AKIRIN2: variants seen among roughly 807,000 people sequenced by gnomAD.
AKIRIN2 encodes akirin 2, also known as akirin-2.
AKIRIN2 carries 6 observed loss-of-function variants against 29.3 expected under a neutral mutation model. The observed-to-expected ratio is 0.20, with a 90% CI of 0.11 to 0.40. The LOEUF is 0.40. Ranked by LOEUF, AKIRIN2 falls within the 10% of genes least tolerant of loss-of-function variation. The pLI, the probability that AKIRIN2 is intolerant of heterozygous loss-of-function variation, is 1.00. For synonymous variants in AKIRIN2, 128 were observed against 117.5 expected, an observed-to-expected ratio of 1.09 and a Z score of -0.58; for missense variants, 210 against 276.1, an observed-to-expected ratio of 0.76 and a Z score of 1.70.
intron 1 of AKIRIN2, among the ~76,000 whole-genome samples, chr6:87,688,794 T>C (rs1360519136): frequency 6.6e-6 from 1 of 151,976 alleles, no homozygotes; most frequent in East Asian, 1.9e-4. Flanking sequence ...AAGGGGAAAT[T>C]GAACTGCCCC....
intron 2 of AKIRIN2, among the ~76,000 whole-genome samples, chr6:87,678,912 G>T (rs1771070780): frequency 6.6e-6 from 1 of 152,120 alleles, no homozygotes; most frequent in South Asian, 2.1e-4. Context: ...GAGGCAGGCG[G>T]ATCACCTGAG....
intron 1 of AKIRIN2, among the ~76,000 whole-genome samples, chr6:87,686,703 AC>A (rs1218569858): frequency 6.6e-6 from 1 of 152,154 alleles, no homozygotes; most frequent in Non-Finnish European, 1.5e-5. Flanking sequence ...TTTGGAAAAC[AC>A]AAAATGAAAG....
At chr6:87,685,353 G>A (rs1028783226) in intron 1 of AKIRIN2, among the ~76,000 whole-genome samples, 1 of 152,134 alleles carries the variant, frequency 6.6e-6, no homozygotes, top group East Asian at 1.9e-4. Flanking sequence ...TGCTAAGCTC[G>A]ATCTAGATAC....
chr6:87,687,138 T>C (rs1771200845), intron 1 of AKIRIN2, among the ~76,000 whole-genome samples: 1 of 149,136 alleles, frequency 6.7e-6, no homozygotes, highest in African/African-American at 2.5e-5. Flanking sequence ...TAAAGAAAAC[T>C]TGCAATAGTC....
At chr6:87,694,726 C>T (rs913614721) in intron 1 of AKIRIN2, among the ~76,000 whole-genome samples, 1 of 152,156 alleles carries the variant, frequency 6.6e-6, no homozygotes, top group African/African-American at 2.4e-5. Flanking sequence ...AAAAAAGCTA[C>T]ACCCCAAGAC....
chr6:87,675,818 A>G, intron 4 of AKIRIN2, 42 bp downstream of exon 4: 1 of 1,561,530 alleles, frequency 6.4e-7, no homozygotes, highest in Non-Finnish European at 8.8e-7. Context: ...CTTAAAAGAC[A>G]GTCTTATTTT....
At chr6:87,698,373 TA>T (rs1318677681) in intron 1 of AKIRIN2, among the ~76,000 whole-genome samples, 599 of 136,030 alleles carry the variant, frequency 4.4e-3, no homozygotes, top group Admixed American at 4.0e-3. Flanking sequence ...GAACAATACT[TA>T]AAAAAAAAAA....
At chr6:87,689,356 T>C (rs760382701) in intron 1 of AKIRIN2, among the ~76,000 whole-genome samples, 38 of 151,970 alleles carry the variant, frequency 2.5e-4, no homozygotes, top group Non-Finnish European at 4.7e-4. Flanking sequence ...ACAAAAAAAT[T>C]AGCCAGGCAA....
chr6:87,675,964 TA>T lies in AKIRIN2; in HGVS notation c.530-34del, dbSNP rs1396119514. The T allele has an allele frequency of 1.9e-6, 3 of 1,567,114 alleles. No individual in the cohort carries two copies. The African/African-American group carries it at 4.1e-5, about 22-fold the overall frequency. ...TAAAGGTACTTGTCAATTACATTTG[TA>T]AAATGCCTTATTAGAGCCAGATAAA... On this transcript the variant is annotated intron_variant, in intron 3 of 4. Coordinates refer to ENST00000257787, the MANE Select transcript of AKIRIN2 (RefSeq NM_018064.4).
intron 1 of AKIRIN2, among the ~76,000 whole-genome samples, chr6:87,686,168 T>C (rs1771182623): frequency 6.6e-6 from 1 of 152,050 alleles, no homozygotes; most frequent in African/African-American, 2.4e-5. Flanking sequence ...TGAGCTGAGA[T>C]CATGCCACTG....
At chr6:87,695,561 G>A (rs893623881) in intron 1 of AKIRIN2, among the ~76,000 whole-genome samples, 11 of 152,148 alleles carry the variant, frequency 7.2e-5, no homozygotes, top group African/African-American at 2.7e-4. Context: ...TATAGAGAAC[G>A]TTCTTTGAAT....
chr6:87,697,986 C>T (rs1418264076), intron 1 of AKIRIN2, among the ~76,000 whole-genome samples: 1 of 152,092 alleles, frequency 6.6e-6, no homozygotes, highest in African/African-American at 2.4e-5. Context: ...TATAATGTTG[C>T]AATATTTTGG....
chr6:87,693,483 A>C (rs2128302551), intron 1 of AKIRIN2, among the ~76,000 whole-genome samples: 1 of 152,282 alleles, frequency 6.6e-6, no homozygotes, highest in South Asian at 2.1e-4. Flanking sequence ...TAATCCCAGC[A>C]CTGTGGCAGG....
At chr6:87,680,361 A>G (rs2787906) in intron 2 of AKIRIN2, among the ~76,000 whole-genome samples, 13,444 of 146,784 alleles carry the variant, frequency 0.092, 651 homozygotes, top group African/African-American at 0.13. Context: ...TGCTCACTGC[A>G]AGCTCTGCCT....
intron 1 of AKIRIN2, among the ~76,000 whole-genome samples, chr6:87,700,145 A>T (rs1771435591): frequency 6.6e-6 from 1 of 152,166 alleles, no homozygotes; most frequent in South Asian, 2.1e-4. Context: ...GAATTTCCGT[A>T]AAAACTCACT....
chr6:87,695,988 G>A (rs1250064775), intron 1 of AKIRIN2, among the ~76,000 whole-genome samples: 1 of 151,844 alleles, frequency 6.6e-6, no homozygotes, highest in Non-Finnish European at 1.5e-5. Context: ...AAACCAGCCT[G>A]GGCAACATGG....
At chr6:87,681,809 T>TA (rs745498729) in intron 1 of AKIRIN2, 46 bp from the exon 2 acceptor site, 3 of 1,458,890 alleles carry the variant, frequency 2.1e-6, no homozygotes, top group Non-Finnish European at 2.8e-6. Context: ...ACTTTCACAT[T>TA]AAAAAAGAGG....
Position 87,677,984 on chromosome 6 carries a change from C to CA in AKIRIN2, c.380-18dup, listed in dbSNP as rs748479888. On this transcript the variant is annotated splice_polypyrimidine_tract_variant and intron_variant, in intron 2 of 4. Transcript: ENST00000257787. Reference sequence around the variant, plus strand: ...ATGAAGTCCCTATGTACAATGAGGACAAAAAATAGCACCTGGTTTAGAGCC... The same window carrying CA: ...ATGAAGTCCCTATGTACAATGAGGACAAAAAAATAGCACCTGGTTTAGAGCC... 57 of 1,596,418 alleles carry CA rather than the reference C, an allele frequency of 3.6e-5. No individual in the cohort carries two copies. The highest frequency in any genetic ancestry group is 3.2e-4 in the African/African-American group (24 of 73,992).
chr6:87,681,469 ATAT>A (rs1322658330), intron 2 of AKIRIN2, 148 bp downstream of exon 2: 3 of 760,828 alleles, frequency 3.9e-6, no homozygotes, highest in Non-Finnish European at 5.9e-6. Context: ...ATTTTGTACC[ATAT>A]TATTTTTTAA....
Sources: allele counts gnomAD v4.1 joint callset (sites outside exome capture counted in the v4.1 genomes callset), GRCh38; gene constraint gnomAD v4.1.1; transcripts MANE v1.5; gene names NCBI Gene and HGNC (gene_info 2026-07-23, HGNC 2026-07-21).